The following PCDHGA4 variants were observed in gnomAD, a reference collection of about 807,000 sequenced individuals.
PCDHGA4 encodes the protein protocadherin gamma subfamily A, 4.
Under a neutral mutation model 54.6 loss-of-function variants are expected in PCDHGA4, and 38 were observed. The observed-to-expected ratio is 0.70, with a 90% CI of 0.54 to 0.91. The LOEUF (loss-of-function observed/expected upper bound fraction) is 0.91. Ranked by LOEUF, PCDHGA4 falls within the 40% of genes least tolerant of loss-of-function variation. The pLI, the probability that PCDHGA4 is intolerant of heterozygous loss-of-function variation, is 0.00. For synonymous variants in PCDHGA4, 511 were observed against 512.9 expected (o/e 1.00, Z 0.05); for missense variants, 1,298 against 1,220.9 (o/e 1.06, Z -0.94).
Position 141,487,910 on chromosome 5 carries a change from C to T in PCDHGA4, c.2515-6897C>T, listed in dbSNP as rs2099668803. The T allele has an allele frequency of 3.0e-6, 2 of 661,468 alleles. No individual in the cohort carries two copies. Among genetic ancestry groups the T allele is most frequent in the Non-Finnish European group, 5.1e-6 (2 of 388,904 alleles). The allele number at this position is 661,468 out of a possible 1,614,324, so 41.0% of individuals were successfully genotyped here. ...AGCATGATGATGGAATGTGGGAGCA[C>T]AGGAGGCTACAGTGCACAGGGTACA... On this transcript the variant is annotated intron_variant, in intron 1 of 3. Transcript: ENST00000571252. The surrounding 1 kb of genome is among the most constrained non-coding windows in gnomAD (Gnocchi z 5.0).
chr5:141,431,416 C>G lies in PCDHGA4; in HGVS notation c.2515-63391C>G, dbSNP rs778722151. 3 of 1,613,596 alleles carry G rather than the reference C, an allele frequency of 1.9e-6. No homozygotes were observed. The highest frequency in any genetic ancestry group is 2.7e-5 in the African/African-American group (2 of 74,954). On this transcript the variant is annotated intron_variant, in intron 1 of 3. Coordinates refer to ENST00000571252, the MANE Select transcript of PCDHGA4 (RefSeq NM_018917.4). The surrounding 1 kb of genome is among the most constrained non-coding windows in gnomAD (Gnocchi z 4.8). ...TCCTTACGGCCTCCGACGGGGGCGA[C>G]CCGGTGCGCACAGGCACCGCGCGCA...
intron 1 of PCDHGA4, among the ~76,000 whole-genome samples, chr5:141,465,094 G>GTT (rs138941665): frequency 3.4e-5 from 5 of 148,194 alleles, no homozygotes; most frequent in Non-Finnish European, 6.0e-5. Flanking sequence ...TTTTCTAGTA[G>GTT]TTTTTTTTTT....
intron 1 of PCDHGA4, chr5:141,415,228 C>A: frequency 1.2e-6 from 2 of 1,614,168 alleles, no homozygotes; most frequent in South Asian, 2.2e-5. Flanking sequence ...CTTCGAGTCT[C>A]CAGCTAACTC....
rs752954707 is a variant in PCDHGA4 at position 141,476,801 on chromosome 5, C to T, written c.2515-18006C>T. The T allele has an allele frequency of 6.2e-7, 1 of 1,613,586 alleles. No individual in the cohort carries two copies. Among genetic ancestry groups the T allele is most frequent in the Non-Finnish European group, 8.5e-7 (1 of 1,180,020 alleles). On this transcript the variant is annotated intron_variant, in intron 1 of 3. Coordinates refer to ENST00000571252, the MANE Select transcript of PCDHGA4 (RefSeq NM_018917.4). This position sits in a 1 kb window ranked among gnomAD's most constrained non-coding sequence, Gnocchi z 7.6. Reference sequence around the variant, plus strand: ...GACCCCAGCTCTCTCCGCCAGCCTGCCTATTCACATCAAGGTGCTGGACGC... The same window carrying T: ...GACCCCAGCTCTCTCCGCCAGCCTGTCTATTCACATCAAGGTGCTGGACGC...
chr5:141,383,800 A>C, intron 1 of PCDHGA4: 1 of 1,614,000 alleles, frequency 6.2e-7, no homozygotes, highest in Non-Finnish European at 8.5e-7. Flanking sequence ...TACAGGAGAA[A>C]TATCAACTTT....
chr5:141,392,810 A>C (rs772526220), intron 1 of PCDHGA4: 1 of 1,580,390 alleles, frequency 6.3e-7, no homozygotes, highest in South Asian at 1.2e-5. Flanking sequence ...GCAGCAAAAC[A>C]ACAATGGCCG....
intron 1 of PCDHGA4, chr5:141,403,154 T>G (rs1166937788): frequency 6.2e-7 from 1 of 1,614,024 alleles, no homozygotes; most frequent in Non-Finnish European, 8.5e-7. Flanking sequence ...CCGCATCGTC[T>G]CTAGAGGTAG....
chr5:141,393,962 C>G (rs2150548263), intron 1 of PCDHGA4: 1 of 1,613,894 alleles, frequency 6.2e-7, no homozygotes, highest in Non-Finnish European at 8.5e-7. Flanking sequence ...GTCAAGTTGT[C>G]TGTTACACAC....
chr5:141,362,335 A>C (rs371396469), intron 1 of PCDHGA4: 1 of 1,613,940 alleles, frequency 6.2e-7, no homozygotes, highest in Non-Finnish European at 8.5e-7. Context: ...TCTCAGCTCC[A>C]AGCCTGGACC....
chr5:141,361,244 A>C, intron 1 of PCDHGA4: 1 of 1,613,994 alleles, frequency 6.2e-7, no homozygotes, highest in Non-Finnish European at 8.5e-7. Flanking sequence ...GCCTTGATAA[A>C]AACGAGAGAC....
intron 1 of PCDHGA4, among the ~76,000 whole-genome samples, chr5:141,454,195 T>C (rs1295815862): frequency 6.6e-6 from 1 of 152,136 alleles, no homozygotes; most frequent in Admixed American, 6.6e-5. Context: ...TTAGTGAAGG[T>C]GAATTTATTG....
At chr5:141,500,241 C>T (rs1284996879) in intron 2 of PCDHGA4, among the ~76,000 whole-genome samples, 18 of 150,770 alleles carry the variant, frequency 1.2e-4, no homozygotes, top group Non-Finnish European at 1.5e-5. Flanking sequence ...CGTAGCCTTG[C>T]TCTGTCACCC....
intron 1 of PCDHGA4, among the ~76,000 whole-genome samples, chr5:141,445,567 T>C (rs1465765772): frequency 6.6e-6 from 1 of 152,142 alleles, no homozygotes; most frequent in Admixed American, 6.5e-5. Context: ...AGAGAAAGCT[T>C]ATAGTAGGGA....
intron 1 of PCDHGA4, chr5:141,415,098 G>T (rs578221269): frequency 1.9e-5 from 31 of 1,613,588 alleles, no homozygotes; most frequent in African/African-American, 1.7e-4. Flanking sequence ...ACAGAGACGC[G>T]CTCAAGCAAA....
At chr5:141,494,676 CT>C (rs2099756021) in intron 1 of PCDHGA4, 130 bp from the exon 2 acceptor site, 6 of 1,550,918 alleles carry the variant, frequency 3.9e-6, no homozygotes, top group Non-Finnish European at 4.4e-6. Context: ...GAGTCCACCC[CT>C]GCCCCCTCTT....
At chr5:141,503,263 C>T (rs2099818883) in intron 2 of PCDHGA4, among the ~76,000 whole-genome samples, 2 of 152,212 alleles carry the variant, frequency 1.3e-5, no homozygotes, top group South Asian at 4.2e-4. Context: ...GCCACAACCC[C>T]AGCACCTGGC....
At chr5:141,433,481 G>C (rs2097613311) in intron 1 of PCDHGA4, among the ~76,000 whole-genome samples, 1 of 152,046 alleles carries the variant, frequency 6.6e-6, no homozygotes, top group African/African-American at 2.4e-5. Flanking sequence ...CTAGCCTCCT[G>C]CTTCTCCCTC....
At chr5:141,370,904 C>T in intron 1 of PCDHGA4, 4 of 1,614,034 alleles carry the variant, frequency 2.5e-6, no homozygotes, top group Non-Finnish European at 3.4e-6. Context: ...TGCAGCAGTA[C>T]TACCTCAGCC....
At chr5:141,481,531 G>A (rs1342825952) in intron 1 of PCDHGA4, among the ~76,000 whole-genome samples, 2 of 152,206 alleles carry the variant, frequency 1.3e-5, no homozygotes, top group African/African-American at 4.8e-5. Context: ...AAAATCTAGA[G>A]ATGGGGCTGG....
Sources: allele counts gnomAD v4.1 joint callset (sites outside exome capture counted in the v4.1 genomes callset), GRCh38; gene constraint gnomAD v4.1.1; non-coding constraint Gnocchi (gnomAD v3.1); transcripts MANE v1.5; gene names NCBI Gene and HGNC (gene_info 2026-07-23, HGNC 2026-07-21).